The following AGBL4 variants were observed in gnomAD, a reference collection of about 807,000 sequenced individuals.
AGBL4 encodes the protein AGBL carboxypeptidase 4.
A neutral mutation model predicts 66.4 loss-of-function variants in AGBL4; 58 were observed. The ratio of observed to expected loss-of-function variants is 0.87; its 90% confidence interval spans 0.71 to 1.09. AGBL4 has a LOEUF of 1.09. Among genes scored for constraint, AGBL4 ranks in the 50% least tolerant of loss-of-function variants. The pLI is 0.00. For missense variants in AGBL4, 579 were observed against 631.0 expected (o/e 0.92, Z 0.88); for synonymous variants, 234 against 222.9 (o/e 1.05, Z -0.44).
chr1:49,668,388 A>G (rs1646409839), intron 3 of AGBL4, among the ~76,000 whole-genome samples: 1 of 152,030 alleles, frequency 6.6e-6, no homozygotes, highest in Non-Finnish European at 1.5e-5. Context: ...TTCATCTCAG[A>G]AAAAAAAGCA....
rs190785401 is a variant in AGBL4 at position 49,495,768 on chromosome 1, G to T, written c.282+201545C>A. On this transcript the variant is annotated intron_variant, in intron 3 of 13. Coordinates refer to ENST00000371839, the MANE Select transcript of AGBL4 (RefSeq NM_032785.4). ...GTATTATTAGTACTTCATAAATAAA[G>T]AAATTAAGGATCAAAAATGTTCACA... Among the ~76,000 whole-genome samples, 24 of 152,048 alleles carry T rather than the reference G, an allele frequency of 1.6e-4. 1 individual carries two copies. Among genetic ancestry groups the T allele is most frequent in the Admixed American group, 7.2e-4 (11 of 15,258 alleles).
At chr1:49,827,598 A>G (rs2148006384) in intron 2 of AGBL4, among the ~76,000 whole-genome samples, 1 of 152,338 alleles carries the variant, frequency 6.6e-6, no homozygotes, top group African/African-American at 2.4e-5. Context: ...AATTTGGTCC[A>G]TAGATTGATG....
intron 3 of AGBL4, among the ~76,000 whole-genome samples, chr1:49,662,891 G>T (rs140351850): frequency 1.4e-3 from 214 of 152,186 alleles, no homozygotes; most frequent in Non-Finnish European, 2.2e-3. Flanking sequence ...AAAGAACCGT[G>T]CACATCAGCT....
chr1:49,604,252 T>G (rs1372009694), intron 3 of AGBL4, among the ~76,000 whole-genome samples: 1 of 152,214 alleles, frequency 6.6e-6, no homozygotes, highest in East Asian at 1.9e-4. Context: ...CTTTTTGACT[T>G]TTTAATAATG....
At chr1:49,092,888 T>C (rs972522696) in intron 4 of AGBL4, among the ~76,000 whole-genome samples, 3 of 152,160 alleles carry the variant, frequency 2.0e-5, no homozygotes, top group Non-Finnish European at 4.4e-5. Flanking sequence ...GCACTTGAAA[T>C]TTACTCTTCA....
rs182440159 is a variant in AGBL4, at chr1:49,616,927, G to T, written c.282+80386C>A. On this transcript the variant is annotated intron_variant, in intron 3 of 13. Transcript: ENST00000371839. ...CCGGTTCAAACCACCATAATCTCTT[G>T]TCAGGATTATTTCAATTGCTTCCTA... Among the ~76,000 whole-genome samples the T allele has an allele frequency of 1.5e-3, 228 of 152,086 alleles. 2 individuals carry two copies. Among genetic ancestry groups the T allele is most frequent in the African/African-American group, 5.3e-3 (219 of 41,476 alleles).
At chr1:49,288,999 GACAC>G (rs143838813) in intron 3 of AGBL4, among the ~76,000 whole-genome samples, 1 of 150,682 alleles carries the variant, frequency 6.6e-6, no homozygotes, top group Admixed American at 6.6e-5. Flanking sequence ...TAACAAATGA[GACAC>G]ACACACACAC....
intron 4 of AGBL4, among the ~76,000 whole-genome samples, chr1:49,157,829 A>G (rs1003374742): frequency 1.3e-5 from 2 of 152,210 alleles, no homozygotes; most frequent in African/African-American, 2.4e-5. Context: ...TCTAATGACC[A>G]GTGATGATGA....
Position 48,534,030 on chromosome 1 carries a change from A to T in AGBL4, c.*143T>A. 7.6e-7 allele frequency: 1 copy of T among 1,310,658 alleles called. No homozygotes were observed. The highest frequency in any genetic ancestry group is 1.3e-5 in the South Asian group (1 of 76,572). 81.2% of individuals were successfully genotyped at this position (1,310,658 alleles called of 1,614,324 possible). ...TGGAAAAAGGGAAAATCAGTGATGA[A>T]GTTTCTCATTGTATCCCTTCCCTTT... On this transcript the variant is annotated 3_prime_UTR_variant, in exon 14 of 14. Transcript: ENST00000371839.
intron 2 of AGBL4, among the ~76,000 whole-genome samples, chr1:49,723,365 ATCATCTAATT>A (rs1457784682): frequency 5.3e-5 from 8 of 152,054 alleles, no homozygotes; most frequent in Admixed American, 5.2e-4. Flanking sequence ...CCATTCTCTT[ATCATCTAATT>A]TCCATTGAGC....
intron 2 of AGBL4, among the ~76,000 whole-genome samples, chr1:49,781,988 T>G (rs1405703544): frequency 6.6e-6 from 1 of 152,036 alleles, no homozygotes; most frequent in East Asian, 1.9e-4. Flanking sequence ...GAGAAATTTA[T>G]AACTTTAAGC....
chr1:49,112,103 T>C (rs889830368), intron 4 of AGBL4, among the ~76,000 whole-genome samples: 1 of 152,174 alleles, frequency 6.6e-6, no homozygotes, highest in Non-Finnish European at 1.5e-5. Context: ...TTAAAGACTC[T>C]GAAAGGGGCA....
intron 4 of AGBL4, among the ~76,000 whole-genome samples, chr1:49,117,457 C>T (rs1214813737): frequency 1.3e-5 from 2 of 152,160 alleles, no homozygotes; most frequent in African/African-American, 4.8e-5. Context: ...GTTTTCCCAG[C>T]ACCATTTATT....
intron 3 of AGBL4, among the ~76,000 whole-genome samples, chr1:49,623,405 G>A (rs1302826057): frequency 6.6e-6 from 1 of 152,186 alleles, no homozygotes; most frequent in Non-Finnish European, 1.5e-5. Flanking sequence ...TTTAGATTCA[G>A]ATATCTCCAA....
chr1:49,900,511 C>T (rs764633972), intron 1 of AGBL4, among the ~76,000 whole-genome samples: 2 of 152,148 alleles, frequency 1.3e-5, no homozygotes, highest in African/African-American at 2.4e-5. Context: ...TCCCAAAGTG[C>T]TGGGATTACA....
intron 2 of AGBL4, among the ~76,000 whole-genome samples, chr1:49,843,689 G>A (rs1302624435): frequency 4.6e-5 from 7 of 152,144 alleles, no homozygotes; most frequent in Non-Finnish European, 1.0e-4. Context: ...CCCATGTAAT[G>A]GGAAACATAC....
intron 11 of AGBL4, among the ~76,000 whole-genome samples, chr1:48,567,178 G>A (rs1235500354): frequency 6.6e-6 from 1 of 152,152 alleles, no homozygotes; most frequent in Non-Finnish European, 1.5e-5. Flanking sequence ...CAGGGTTATT[G>A]TAACAACTCA....
rs147515133 is a variant in AGBL4, at chr1:48,548,667, T to A, written c.1268-8929A>T. Among the ~76,000 whole-genome samples the A allele has an allele frequency of 9.1e-4, 138 of 152,276 alleles. 3 individuals carry two copies. The highest frequency in any genetic ancestry group is 3.1e-3 in the African/African-American group (130 of 41,566). On this transcript the variant is annotated intron_variant, in intron 11 of 13. Coordinates refer to ENST00000371839, the MANE Select transcript of AGBL4 (RefSeq NM_032785.4). ...CTCCATACTTCTCACTCCCTGCAGC[T>A]CTTCTAGAACCCTCAGCAAGCTCAG...
chr1:50,001,041 A>C (rs1660713499), intron 1 of AGBL4, among the ~76,000 whole-genome samples: 1 of 151,882 alleles, frequency 6.6e-6, no homozygotes, highest in Admixed American at 6.5e-5. Flanking sequence ...TTAAAAAATT[A>C]AAAATTAAAA....
Sources: gnomAD v4.1 joint callset for allele counts (sites outside exome capture counted in the v4.1 genomes callset) on GRCh38, gnomAD v4.1.1 for gene constraint, MANE v1.5 for transcripts, NCBI Gene and HGNC (gene_info 2026-07-23, HGNC 2026-07-21) for gene names.